Variants in TMEM17 observed in about 807,000 individuals in gnomAD.
TMEM17 encodes transmembrane protein 17.
TMEM17 carries 15 observed loss-of-function variants against 19.1 expected under a neutral mutation model. The observed-to-expected ratio is 0.78, with a 90% CI of 0.52 to 1.21. The LOEUF is 1.21. Ranked by LOEUF, TMEM17 falls within the 50% of genes most tolerant of loss-of-function variation. The pLI is 0.00. For synonymous variants in TMEM17, 103 were observed against 86.9 expected, an observed-to-expected ratio of 1.19 and a Z score of -1.03; for missense variants, 245 against 242.3, an observed-to-expected ratio of 1.01 and a Z score of -0.07.
chr2:62,492,961 G>A, the TMEM17 span, among the ~76,000 whole-genome samples: 1 of 152,192 alleles, frequency 6.6e-6, no homozygotes, highest in Admixed American at 6.5e-5. Context: ...TCAGGCAGGT[G>A]GAAAGAGGCC....
At chr2:62,479,675 C>G in the TMEM17 span, among the ~76,000 whole-genome samples, 1 of 152,012 alleles carries the variant, frequency 6.6e-6, no homozygotes, top group African/African-American at 2.4e-5. Context: ...TGCTTGAGCC[C>G]AGGAGTTCGA....
chr2:62,477,383 C>A, the TMEM17 span, among the ~76,000 whole-genome samples: 1 of 129,398 alleles, frequency 7.7e-6, no homozygotes, highest in Non-Finnish European at 1.6e-5. Context: ...GGCGACAGAG[C>A]GAGACTCCGT....
the TMEM17 span, among the ~76,000 whole-genome samples, chr2:62,479,005 A>G: frequency 4.2e-3 from 638 of 152,306 alleles, 2 homozygotes; most frequent in Admixed American, 6.9e-3. Context: ...TGATACATAT[A>G]ATGTATAGTG....
intron 3 of TMEM17, chr2:62,502,177 A>G (rs1320303692): frequency 8.9e-6 from 2 of 224,422 alleles, no homozygotes; most frequent in Non-Finnish European, 1.8e-5. Context: ...AGTGTTTACT[A>G]CATTCATATA....
the TMEM17 span, among the ~76,000 whole-genome samples, chr2:62,456,759 G>A: frequency 2.0e-5 from 3 of 152,240 alleles, no homozygotes; most frequent in Non-Finnish European, 2.9e-5. Flanking sequence ...GCCCTGGAGG[G>A]AGACCAGAGC....
the TMEM17 span, among the ~76,000 whole-genome samples, chr2:62,479,056 A>C: frequency 2.0e-5 from 3 of 152,214 alleles, no homozygotes; most frequent in African/African-American, 7.2e-5. Flanking sequence ...AACATGTATC[A>C]TTTCTTCGTG....
chr2:62,501,679 C>T, intron 3 of TMEM17, 192 bp from the exon 4 acceptor site: 1 of 575,648 alleles, frequency 1.7e-6, no homozygotes, highest in East Asian at 2.9e-5. Context: ...GTAAAACAAT[C>T]CTAGAATACT....
chr2:62,490,256 CAT>C, the TMEM17 span, among the ~76,000 whole-genome samples: 1 of 149,572 alleles, frequency 6.7e-6, no homozygotes, highest in African/African-American at 2.6e-5. Flanking sequence ...AAGTCTGATG[CAT>C]GTGTGTATTA....
chr2:62,486,698 G>C, the TMEM17 span, among the ~76,000 whole-genome samples: 1 of 152,196 alleles, frequency 6.6e-6, no homozygotes, highest in African/African-American at 2.4e-5. Flanking sequence ...CTGTTCTAGT[G>C]GAAGGGACAG....
At chr2:62,481,290 G>C in the TMEM17 span, among the ~76,000 whole-genome samples, 3 of 151,894 alleles carry the variant, frequency 2.0e-5, no homozygotes, top group African/African-American at 7.3e-5. Flanking sequence ...TATTTATTTT[G>C]TGCCCTGCAA....
At chr2:62,483,892 C>A in the TMEM17 span, among the ~76,000 whole-genome samples, 1 of 152,070 alleles carries the variant, frequency 6.6e-6, no homozygotes, top group East Asian at 1.9e-4. Context: ...TGAGCCACCA[C>A]ACCCGGCCTA....
At chr2:62,474,912 T>G in the TMEM17 span, among the ~76,000 whole-genome samples, 1 of 152,116 alleles carries the variant, frequency 6.6e-6, no homozygotes, top group African/African-American at 2.4e-5. Context: ...TAATAATGAT[T>G]GATAATGAAA....
chr2:62,490,006 C>T, the TMEM17 span, among the ~76,000 whole-genome samples: 9 of 151,974 alleles, frequency 5.9e-5, no homozygotes, highest in Non-Finnish European at 7.4e-5. Context: ...GAAACCCTGT[C>T]TCTAGTAAAA....
At chr2:62,489,626 C>T in the TMEM17 span, among the ~76,000 whole-genome samples, 5 of 152,080 alleles carry the variant, frequency 3.3e-5, no homozygotes, top group South Asian at 6.2e-4. Flanking sequence ...AAGGCAAGAG[C>T]TTACTGGGGG....
the TMEM17 span, among the ~76,000 whole-genome samples, chr2:62,469,342 T>C: frequency 0.47 from 71,425 of 152,114 alleles, 16,938 homozygotes; most frequent in East Asian, 0.63. Flanking sequence ...GTCACATGTG[T>C]GATCTTGGGG....
chr2:62,465,170 G>A, the TMEM17 span, among the ~76,000 whole-genome samples: 635 of 152,244 alleles, frequency 4.2e-3, 5 homozygotes, highest in African/African-American at 0.015. Context: ...TCCCAAAGTC[G>A]GTGAGGCCTA....
rs763463129 is a variant in TMEM17 at position 62,506,058 on chromosome 2, C to G, written c.72G>C (p.Arg24=). ...FSRAVFSDSN[R]TGPESNEGPE... is the part of the protein sequence containing the mutation. ...GACCCTCATTGGACTCTGGACCGGT[C>G]CGATTGGAATCACTGAACACGGCCC... The change falls in exon 1 of 4, where the codon CGG becomes CGC. Residue 24 remains arginine, a synonymous_variant. Coordinates refer to ENST00000335390, the MANE Select transcript of TMEM17 (RefSeq NM_198276.3). The G allele has an allele frequency of 1.2e-6, 2 of 1,611,010 alleles. No homozygotes were observed. The highest frequency in any genetic ancestry group is 2.2e-5 in the East Asian group (1 of 44,458).
the TMEM17 span, among the ~76,000 whole-genome samples, chr2:62,483,464 T>G: frequency 6.6e-6 from 1 of 152,348 alleles, no homozygotes; most frequent in Non-Finnish European, 1.5e-5. Context: ...GCCTGTCATT[T>G]GCATTCTCCG....
downstream of TMEM17, among the ~76,000 whole-genome samples, chr2:62,497,463 A>G (rs887455605): frequency 6.6e-6 from 1 of 152,176 alleles, no homozygotes; most frequent in African/African-American, 2.4e-5. Context: ...TCAACAAACT[A>G]GTTGTAGTAG....
Sources: allele counts gnomAD v4.1 joint callset (sites outside exome capture counted in the v4.1 genomes callset), GRCh38; gene constraint gnomAD v4.1.1; transcripts MANE v1.5; gene names NCBI Gene and HGNC (gene_info 2026-07-23, HGNC 2026-07-21).